Variants in PLEKHF2 observed in about 807,000 individuals in gnomAD.
The protein encoded by PLEKHF2 is pleckstrin homology domain-containing family F member 2.
A neutral mutation model predicts 14.7 loss-of-function variants in PLEKHF2; 4 were observed. That is an observed-to-expected ratio of 0.27 (90% CI 0.13 to 0.62). The LOEUF (loss-of-function observed/expected upper bound fraction) is 0.62. Ranked by LOEUF, PLEKHF2 falls within the 20% of genes least tolerant of loss-of-function variation. PLEKHF2 has a pLI of 0.85. For missense variants in PLEKHF2, 201 were observed against 307.7 expected (o/e 0.65, Z 2.60); for synonymous variants, 90 against 103.5 (o/e 0.87, Z 0.79).
Position 95,154,929 on chromosome 8 carries a change from C to G in PLEKHF2, c.*135C>G, listed in dbSNP as rs566572206. 9.6e-7 allele frequency: 1 copy of G among 1,038,534 alleles called. No homozygotes were observed. The highest frequency in any genetic ancestry group is 1.7e-5 in the South Asian group (1 of 60,324). 64.3% of individuals were successfully genotyped at this position (1,038,534 alleles called of 1,614,324 possible). A position where few individuals can be genotyped will look rare whatever the true frequency, so the allele number is the denominator to read the frequency against. ...TGAGAAACTTGTAACCTATGTGCCT[C>G]AATATATTCCATAGAAAGTAGGTCC... On this transcript the variant is annotated 3_prime_UTR_variant, in exon 2 of 2. Coordinates refer to ENST00000315367, the MANE Select transcript of PLEKHF2 (RefSeq NM_024613.4). This position sits in a 1 kb window ranked among gnomAD's most constrained non-coding sequence, Gnocchi z 5.6.
chr8:95,149,281 C>CT (rs1318197014), intron 1 of PLEKHF2, among the ~76,000 whole-genome samples: 1 of 152,086 alleles, frequency 6.6e-6, no homozygotes, highest in Non-Finnish European at 1.5e-5. Context: ...TCAGTGAGGC[C>CT]TTTTTGTACT....
intron 1 of PLEKHF2, among the ~76,000 whole-genome samples, chr8:95,151,955 CTAAAGA>C (rs1218021892): frequency 6.6e-6 from 1 of 151,954 alleles, no homozygotes; most frequent in African/African-American, 2.4e-5. Context: ...TCCATTGAGT[CTAAAGA>C]TAAACATTTT....
chr8:95,138,403 G>A (rs1483436750), intron 1 of PLEKHF2, among the ~76,000 whole-genome samples: 1 of 109,822 alleles, frequency 9.1e-6, no homozygotes, highest in Non-Finnish European at 1.7e-5. Context: ...TTAATTCTTT[G>A]TACTTGTTTC....
chr8:95,152,804 A>T (rs1409695987), intron 1 of PLEKHF2, among the ~76,000 whole-genome samples: 1 of 152,156 alleles, frequency 6.6e-6, no homozygotes, highest in Non-Finnish European at 1.5e-5. Flanking sequence ...GAAGGGCTAT[A>T]GTGTCAGTTT....
chr8:95,154,533 A>C lies in PLEKHF2; in HGVS notation c.489A>C (p.Lys163Asn), dbSNP rs1587311334. 6.2e-7 allele frequency: 1 copy of C among 1,614,198 alleles called. No homozygotes were observed. The highest frequency in any genetic ancestry group is 1.1e-5 in the South Asian group (1 of 91,090). Residue 163 changes from lysine (K) to asparagine (N), a missense_variant, in exon 2 of 2, where the codon AAA becomes AAC. Lys to Asn is a moderately conservative substitution (Grantham distance 94). Coordinates refer to ENST00000315367, the MANE Select transcript of PLEKHF2 (RefSeq NM_024613.4). This position sits in a 1 kb window ranked among gnomAD's most constrained non-coding sequence, Gnocchi z 5.6. ...CAACTGTATGTATGCGTTGTCAGAA[A>C]GCAAAATTCACACCTGTTAATCGTC... ...SEATVCMRCQ[K>N]AKFTPVNRRH...
intron 1 of PLEKHF2, among the ~76,000 whole-genome samples, chr8:95,147,354 C>G (rs889834140): frequency 7.2e-5 from 11 of 151,938 alleles, no homozygotes; most frequent in African/African-American, 2.4e-4. Context: ...TGATATTTAT[C>G]AGCAGAGTTC....
At chr8:95,143,990 T>G (rs958346944) in intron 1 of PLEKHF2, among the ~76,000 whole-genome samples, 1 of 152,130 alleles carries the variant, frequency 6.6e-6, no homozygotes, top group African/African-American at 2.4e-5. Context: ...ATTTGTAAAC[T>G]TTTTTTAAAA....
intron 1 of PLEKHF2, among the ~76,000 whole-genome samples, chr8:95,151,383 A>C (rs1810562074): frequency 6.6e-6 from 1 of 151,722 alleles, no homozygotes; most frequent in Non-Finnish European, 1.5e-5. Flanking sequence ...TAAAGTGCCA[A>C]TGTCTTTTCC....
At chr8:95,144,478 G>A (rs928351656) in intron 1 of PLEKHF2, among the ~76,000 whole-genome samples, 2 of 151,970 alleles carry the variant, frequency 1.3e-5, no homozygotes, top group Non-Finnish European at 2.9e-5. Flanking sequence ...TATTTTGTCA[G>A]TGGCCATTCC....
intron 1 of PLEKHF2, among the ~76,000 whole-genome samples, chr8:95,141,497 C>T (rs1810438716): frequency 6.6e-6 from 1 of 152,050 alleles, no homozygotes; most frequent in Non-Finnish European, 1.5e-5. Flanking sequence ...AATAACTCCC[C>T]TACAGCCTCT....
Position 95,152,598 on chromosome 8 carries a change from C to T in PLEKHF2, c.-14-1433C>T, listed in dbSNP as rs1810575215. Among the ~76,000 whole-genome samples the T allele has an allele frequency of 2.0e-5, 3 of 152,006 alleles. No individual in the cohort carries two copies. The South Asian group carries it at 6.2e-4, about 32-fold the overall frequency. On this transcript the variant is annotated intron_variant, in intron 1 of 1. Coordinates refer to ENST00000315367, the MANE Select transcript of PLEKHF2 (RefSeq NM_024613.4). The stretch of plus-strand genomic sequence containing the variant: ...CATAGGATAGTAGGCTTTTAATTGG[C>T]TGGCATATTAGTCCTAATTAGAAAC...
At chr8:95,134,769 C>G (rs1040977263) in intron 1 of PLEKHF2, among the ~76,000 whole-genome samples, 2 of 152,140 alleles carry the variant, frequency 1.3e-5, no homozygotes, top group African/African-American at 4.8e-5. Flanking sequence ...GTTACAGACA[C>G]CTAAGCCCTC....
intron 1 of PLEKHF2, among the ~76,000 whole-genome samples, chr8:95,146,782 G>T (rs561715515): frequency 6.6e-6 from 1 of 151,940 alleles, no homozygotes; most frequent in South Asian, 2.1e-4. Flanking sequence ...AATTAACACT[G>T]CCAGGCACTG....
At chr8:95,148,024 A>G (rs533055558) in intron 1 of PLEKHF2, among the ~76,000 whole-genome samples, 17 of 152,060 alleles carry the variant, frequency 1.1e-4, no homozygotes, top group Admixed American at 7.9e-4. Flanking sequence ...GTTTTTTTCA[A>G]ACTCAAGAAT....
intron 1 of PLEKHF2, among the ~76,000 whole-genome samples, chr8:95,136,329 T>TACACAC (rs773190083): frequency 4.8e-5 from 3 of 63,018 alleles, no homozygotes; most frequent in African/African-American, 2.5e-4. Flanking sequence ...GTTTTTATTA[T>TACACAC]ATATACACAC....
At chr8:95,138,351 C>G in intron 1 of PLEKHF2, among the ~76,000 whole-genome samples, 1 of 73,566 alleles carries the variant, frequency 1.4e-5, no homozygotes, top group African/African-American at 8.4e-5. Context: ...ACTTCTTCAT[C>G]TTCCCCCCCC....
chr8:95,143,510 G>T (rs549659587), intron 1 of PLEKHF2, among the ~76,000 whole-genome samples: 3 of 152,278 alleles, frequency 2.0e-5, no homozygotes, highest in Non-Finnish European at 4.4e-5. Context: ...AAATAAAATG[G>T]TGTGAGGATT....
At position 95,154,721 on chromosome 8, in the gene PLEKHF2, C is replaced by A. The variant is rs1279660577; in HGVS notation, c.677C>A (p.Ser226Tyr). The A allele has an allele frequency of 3.1e-6, 5 of 1,614,128 alleles. No individual in the cohort carries two copies. In the Middle Eastern group the frequency reaches 8.2e-4, roughly 266 times the overall value. Residue 226 changes from serine to tyrosine, a missense_variant, in exon 2 of 2, where the codon TCT becomes TAT. Physicochemically the swap from Ser to Tyr is moderately radical, Grantham distance 144. Transcript: ENST00000315367. The surrounding 1 kb of genome is among the most constrained non-coding windows in gnomAD (Gnocchi z 5.6). ...ACATGCCAGCCTGCTAGATCAGACT[C>A]TTACAGCCAGTCATTGAAGTCTCCT... ...MATCQPARSDSYSQSLKSPLN... is the reference protein window; with the variant it reads ...MATCQPARSDYYSQSLKSPLN...
intron 1 of PLEKHF2, among the ~76,000 whole-genome samples, chr8:95,139,359 A>C (rs1810415132): frequency 6.6e-6 from 1 of 152,188 alleles, no homozygotes; most frequent in Admixed American, 6.5e-5. Context: ...ATACACAAAA[A>C]TTAGTTGGGC....
Sources: allele counts gnomAD v4.1 joint callset (sites outside exome capture counted in the v4.1 genomes callset), GRCh38; gene constraint gnomAD v4.1.1; non-coding constraint Gnocchi (gnomAD v3.1); transcripts MANE v1.5; gene names NCBI Gene and HGNC (gene_info 2026-07-23, HGNC 2026-07-21).